SNTB2: variants seen among roughly 807,000 people sequenced by gnomAD.
SNTB2 encodes the protein syntrophin beta 2, also known as beta-2-syntrophin.
In SNTB2, 34 loss-of-function variants were observed where a neutral mutation model predicts 46.2. The observed-to-expected ratio is 0.74, with a 90% CI of 0.56 to 0.98. The LOEUF (loss-of-function observed/expected upper bound fraction) is 0.98, where lower values mean the gene tolerates loss of function less well. Among genes scored for constraint, SNTB2 ranks in the 50% least tolerant of loss-of-function variants. The probability of loss-of-function intolerance (pLI) is 0.00; values close to 1 mark genes in which losing one functional copy is unlikely to be tolerated. For missense variants in SNTB2, 603 were observed against 731.4 expected (o/e 0.82, Z 2.02); for synonymous variants, 290 against 312.6 (o/e 0.93, Z 0.76).
intron 1 of SNTB2, among the ~76,000 whole-genome samples, chr16:69,194,785 C>T (rs1964087545): frequency 6.6e-6 from 1 of 152,028 alleles, no homozygotes; most frequent in African/African-American, 2.4e-5. Flanking sequence ...GGGGGTTTCT[C>T]AAAGGAGAAT....
At chr16:69,283,982 C>T (rs1027069040) in intron 4 of SNTB2, 66 bp from the exon 5 acceptor site, 2 of 1,442,088 alleles carry the variant, frequency 1.4e-6, no homozygotes, top group Non-Finnish European at 9.4e-7. Context: ...TCAATGAGCA[C>T]AAATTCCTGA....
intron 1 of SNTB2, among the ~76,000 whole-genome samples, chr16:69,224,256 G>T (rs1311670519): frequency 7.5e-6 from 1 of 133,648 alleles, no homozygotes; most frequent in East Asian, 2.1e-4. Flanking sequence ...CTGTTGCCCA[G>T]GCTGGAGTGC....
chr16:69,287,905 GTA>G (rs1965120924), intron 5 of SNTB2, among the ~76,000 whole-genome samples: 1 of 151,696 alleles, frequency 6.6e-6, no homozygotes, highest in Non-Finnish European at 1.5e-5. Context: ...GCCAAGCACG[GTA>G]GTTCACGCTT....
intron 1 of SNTB2, among the ~76,000 whole-genome samples, chr16:69,219,645 C>T (rs1964380819): frequency 6.6e-6 from 1 of 152,154 alleles, no homozygotes; most frequent in Non-Finnish European, 1.5e-5. Flanking sequence ...AAAAGTCCGT[C>T]TCATTTGGTT....
intron 1 of SNTB2, among the ~76,000 whole-genome samples, chr16:69,225,308 A>G (rs1205728039): frequency 3.3e-5 from 5 of 152,256 alleles, no homozygotes; most frequent in African/African-American, 9.6e-5. Flanking sequence ...ATTTCCGTCT[A>G]TAGTTTATCA....
intron 2 of SNTB2, among the ~76,000 whole-genome samples, chr16:69,253,851 CTG>C (rs1964748371): frequency 6.6e-6 from 1 of 152,024 alleles, no homozygotes; most frequent in African/African-American, 2.4e-5. Context: ...AGAACTCAGA[CTG>C]TGTCAAAGGA....
In SNTB2 at chr16:69,245,601, G is replaced by A. The variant is rs772959852; in HGVS notation, c.581-1G>A. ...TTCTTCTTTGATTTTTTTGTTCATA[G>A]TCAAGTTCATCCGAGAAGTAACACC... On this transcript the variant is annotated splice_acceptor_variant, in intron 1 of 6. Coordinates refer to ENST00000336278, the MANE Select transcript of SNTB2 (RefSeq NM_006750.4). LOFTEE classifies it high-confidence loss of function. 4 of 1,613,420 alleles carry A rather than the reference G, an allele frequency of 2.5e-6. No homozygotes were observed. Among genetic ancestry groups the A allele is most frequent in the Non-Finnish European group, 3.4e-6 (4 of 1,179,676 alleles).
intron 4 of SNTB2, among the ~76,000 whole-genome samples, chr16:69,271,896 A>G (rs181804897): frequency 2.0e-5 from 3 of 152,350 alleles, no homozygotes; most frequent in Admixed American, 2.0e-4. Context: ...TAGATTAGGC[A>G]TGGACCACCA....
chr16:69,207,639 C>T (rs1248374667), intron 1 of SNTB2, among the ~76,000 whole-genome samples: 1 of 152,096 alleles, frequency 6.6e-6, no homozygotes, highest in Non-Finnish European at 1.5e-5. Flanking sequence ...TAAAAACGTG[C>T]AGCTGGATGA....
Position 69,187,394 on chromosome 16 carries a change from C to G in SNTB2, c.228C>G (p.Gly76=). 7.8e-7 allele frequency: 1 copy of G among 1,283,166 alleles called. No homozygotes were observed. Among genetic ancestry groups the G allele is most frequent in the Non-Finnish European group, 9.8e-7 (1 of 1,019,746 alleles). 79.5% of individuals were successfully genotyped at this position (1,283,166 alleles called of 1,614,324 possible). Residue 76 remains glycine, a synonymous_variant, in exon 1 of 7, where the codon GGC becomes GGG. Coordinates refer to ENST00000336278, the MANE Select transcript of SNTB2 (RefSeq NM_006750.4). ...CCGCCTTCAACGGCCTCCCAAACGGCGGCGGCGCGGGCGACTCGCTGCCCG... is the reference window on the plus strand; with the variant it reads ...CCGCCTTCAACGGCCTCCCAAACGGGGGCGGCGCGGGCGACTCGCTGCCCG... ...AAAAFNGLPN[G]GGAGDSLPGS...
At chr16:69,232,843 A>G (rs1320137240) in intron 1 of SNTB2, among the ~76,000 whole-genome samples, 1 of 152,096 alleles carries the variant, frequency 6.6e-6, no homozygotes, top group African/African-American at 2.4e-5. Flanking sequence ...TGAAATTTTA[A>G]TTGCTGGGGA....
In SNTB2 at chr16:69,187,606, C is replaced by A; in HGVS notation, c.440C>A (p.Pro147His). The A allele has an allele frequency of 6.4e-7, 1 of 1,557,324 alleles. No individual in the cohort carries two copies. The highest frequency in any genetic ancestry group is 2.6e-5 in the East Asian group (1 of 38,950). Residue 147 changes from proline (P) to histidine (H), a missense_variant, in exon 1 of 7, where the codon CCC becomes CAC. By Grantham distance (77) the Pro-to-His change is moderately conservative (BLOSUM62 -2). Transcript: ENST00000336278. The part of the protein sequence containing the change: ...RMPILISKIF[P>H]GLAADQSRAL... ...CCGATCCTCATCTCCAAGATCTTCC[C>A]CGGGCTGGCTGCCGACCAGAGCCGG...
chr16:69,297,133 C>T (rs780225282), intron 5 of SNTB2, among the ~76,000 whole-genome samples: 8 of 150,714 alleles, frequency 5.3e-5, no homozygotes, highest in East Asian at 3.9e-4. Flanking sequence ...GGCAAAACCC[C>T]GTCTCTACTA....
chr16:69,255,903 T>TG (rs1412806474), intron 2 of SNTB2, among the ~76,000 whole-genome samples: 1 of 139,688 alleles, frequency 7.2e-6, no homozygotes, highest in East Asian at 2.1e-4. Context: ...TTGGTTGGGG[T>TG]GGGGGGCGAC....
intron 4 of SNTB2, among the ~76,000 whole-genome samples, chr16:69,276,160 T>C (rs1480419816): frequency 6.6e-6 from 1 of 152,096 alleles, no homozygotes; most frequent in Non-Finnish European, 1.5e-5. Context: ...TGGATTTTGT[T>C]GTCTTTTCCT....
intron 5 of SNTB2, among the ~76,000 whole-genome samples, chr16:69,286,686 A>T (rs1485643417): frequency 6.6e-6 from 1 of 151,680 alleles, no homozygotes; most frequent in Non-Finnish European, 1.5e-5. Flanking sequence ...AACCTGTCTC[A>T]AAATAAATAA....
chr16:69,187,811 G>C, intron 1 of SNTB2, 65 bp downstream of exon 1: 1 of 1,277,830 alleles, frequency 7.8e-7, no homozygotes, highest in Non-Finnish European at 1.0e-6. Flanking sequence ...AGCTCACTTT[G>C]TTCCTGCCCC....
intron 2 of SNTB2, among the ~76,000 whole-genome samples, chr16:69,251,982 A>T (rs908244935): frequency 3.9e-5 from 6 of 152,238 alleles, no homozygotes; most frequent in Non-Finnish European, 7.3e-5. Context: ...TAATTGTGCC[A>T]TTTTATGTTC....
chr16:69,264,226 A>G (rs1434635594), intron 3 of SNTB2, among the ~76,000 whole-genome samples: 2 of 152,186 alleles, frequency 1.3e-5, no homozygotes, highest in African/African-American at 4.8e-5. Flanking sequence ...GTGAGGGGCA[A>G]AAAAGTCAGG....
Sources: allele counts gnomAD v4.1 joint callset (sites outside exome capture counted in the v4.1 genomes callset), GRCh38; gene constraint gnomAD v4.1.1; transcripts MANE v1.5; gene names NCBI Gene and HGNC (gene_info 2026-07-23, HGNC 2026-07-21).